ARHGEF7: variants seen among roughly 807,000 people sequenced by gnomAD.
ARHGEF7 encodes Rho guanine nucleotide exchange factor 7.
A neutral mutation model predicts 109.8 loss-of-function variants in ARHGEF7; 33 were observed. That is an observed-to-expected ratio of 0.30 (90% CI 0.23 to 0.40). The LOEUF is 0.40. Among genes scored for constraint, ARHGEF7 ranks in the 10% least tolerant of loss-of-function variants. The probability of loss-of-function intolerance (pLI) is 1.00; values close to 1 mark genes in which losing one functional copy is unlikely to be tolerated. For missense variants in ARHGEF7, 938 were observed against 1,098.5 expected, an observed-to-expected ratio of 0.85 and a Z score of 2.07; for synonymous variants, 458 against 424.6, an observed-to-expected ratio of 1.08 and a Z score of -0.97.
chr13:111,132,336 A>G (rs2074798071), intron 1 of ARHGEF7, among the ~76,000 whole-genome samples: 1 of 152,120 alleles, frequency 6.6e-6, no homozygotes, highest in Non-Finnish European at 1.5e-5. Flanking sequence ...TTATACATGT[A>G]TTGATGTCAG....
In ARHGEF7 at chr13:111,276,063, G is replaced by A. The variant is rs1208833329; in HGVS notation, c.1419+385G>A. The A allele has an allele frequency of 4.2e-5, 9 of 216,168 alleles. No homozygotes were observed. In the East Asian group the frequency reaches 4.7e-4, roughly 11 times the overall value. The allele number at this position is 216,168 out of a possible 1,614,324, so 13.4% of individuals were successfully genotyped here. A position where few individuals can be genotyped will look rare whatever the true frequency, so the allele number is the denominator to read the frequency against. On this transcript the variant is annotated intron_variant, in intron 12 of 21. Transcript: ENST00000646102. ...GGGACCTGCTGCTCTCAATGCTTTCGGGTCATTATACTTTCCTGTGAAAGT... is the reference window on the plus strand; with the variant it reads ...GGGACCTGCTGCTCTCAATGCTTTCAGGTCATTATACTTTCCTGTGAAAGT...
At chr13:111,188,302 C>T (rs1231930873) in intron 2 of ARHGEF7, among the ~76,000 whole-genome samples, 1 of 152,226 alleles carries the variant, frequency 6.6e-6, no homozygotes, top group Non-Finnish European at 1.5e-5. Flanking sequence ...GAGCCACATT[C>T]ACCCAGCTAA....
Position 111,280,252 on chromosome 13 carries a change from T to TG in ARHGEF7, c.1507-11dup, listed in dbSNP as rs753597326. 3,840 of 1,433,404 alleles carry TG rather than the reference T, an allele frequency of 2.7e-3. No individual in the cohort carries two copies. The highest frequency in any genetic ancestry group is 3.1e-3 in the Middle Eastern group (17 of 5,520). 88.8% of individuals were successfully genotyped at this position (1,433,404 alleles called of 1,614,324 possible). On this transcript the variant is annotated intron_variant, in intron 13 of 21. Coordinates refer to ENST00000646102, the MANE Select transcript of ARHGEF7 (RefSeq NM_001354046.2). ...AAAGCACTAATTGTTTTTTTTTTTG[T>TG]GGGGGGGGGTCTTTTTTAGGGAAAG... is the stretch of plus-strand genomic sequence containing the variant.
At chr13:111,137,108 T>C (rs2075122858) in intron 1 of ARHGEF7, among the ~76,000 whole-genome samples, 1 of 152,124 alleles carries the variant, frequency 6.6e-6, no homozygotes, top group Admixed American at 6.5e-5. Context: ...AATTAATAGC[T>C]TACCAACCAA....
chr13:111,284,406 T>TA (rs1360828433), intron 16 of ARHGEF7, among the ~76,000 whole-genome samples: 1 of 152,166 alleles, frequency 6.6e-6, no homozygotes, highest in Non-Finnish European at 1.5e-5. Context: ...ATCTTTCAGG[T>TA]AATCATGTGT....
chr13:111,265,892 G>A (rs1017057799), intron 8 of ARHGEF7, among the ~76,000 whole-genome samples: 7 of 152,164 alleles, frequency 4.6e-5, no homozygotes, highest in Non-Finnish European at 8.8e-5. Context: ...GTGCATTTCT[G>A]TTGTTGGAAA....
At chr13:111,174,307 C>T (rs9522148) in intron 2 of ARHGEF7, among the ~76,000 whole-genome samples, 5,242 of 152,278 alleles carry the variant, frequency 0.034, 135 homozygotes, top group Non-Finnish European at 0.042. Flanking sequence ...GTTAAAATGT[C>T]CAGACGGCAG....
At chr13:111,157,706 G>A (rs1281227686) in intron 2 of ARHGEF7, among the ~76,000 whole-genome samples, 1 of 152,220 alleles carries the variant, frequency 6.6e-6, no homozygotes, top group East Asian at 1.9e-4. Flanking sequence ...GAGAAATTCA[G>A]AGTGATTTCT....
Position 111,279,855 on chromosome 13 carries a change from T to A in ARHGEF7, c.1507-417T>A, listed in dbSNP as rs76775699. Among the ~76,000 whole-genome samples, 29 of 152,366 alleles carry A rather than the reference T, an allele frequency of 1.9e-4. No individual in the cohort carries two copies. The East Asian group carries it at 5.6e-3, about 29-fold the overall frequency. Reference sequence around the variant, plus strand: ...CAATTTCCCACCCTTATTTTGACTTTAAACTTGGAACTTCCTCTGCATTTC... The same window carrying A: ...CAATTTCCCACCCTTATTTTGACTTAAAACTTGGAACTTCCTCTGCATTTC... On this transcript the variant is annotated intron_variant, in intron 13 of 21. Coordinates refer to ENST00000646102, the MANE Select transcript of ARHGEF7 (RefSeq NM_001354046.2).
At chr13:111,128,587 T>A (rs1039322158) in intron 1 of ARHGEF7, among the ~76,000 whole-genome samples, 1 of 152,230 alleles carries the variant, frequency 6.6e-6, no homozygotes, top group Non-Finnish European at 1.5e-5. Flanking sequence ...GTTGTATTTC[T>A]ATATATTAGC....
chr13:111,283,594 AG>A (rs1028168144), intron 16 of ARHGEF7, among the ~76,000 whole-genome samples: 2 of 152,186 alleles, frequency 1.3e-5, no homozygotes, highest in African/African-American at 4.8e-5. Context: ...TGCCATGCAC[AG>A]GGGGGCCTTT....
At chr13:111,229,806 A>G (rs1410991079) in intron 5 of ARHGEF7, among the ~76,000 whole-genome samples, 1 of 152,162 alleles carries the variant, frequency 6.6e-6, no homozygotes, top group African/African-American at 2.4e-5. Flanking sequence ...AGAGGAGAGC[A>G]TAGGTTGGAG....
chr13:111,221,921 G>A (rs56383703), intron 5 of ARHGEF7, among the ~76,000 whole-genome samples: 3,612 of 152,214 alleles, frequency 0.024, 74 homozygotes, highest in Middle Eastern at 0.11. Flanking sequence ...CAAAACTGAA[G>A]AAATTGGAGG....
At chr13:111,241,167 G>A in intron 6 of ARHGEF7, 2 of 1,535,578 alleles carry the variant, frequency 1.3e-6, no homozygotes. Context: ...CAGCTCTGTG[G>A]GCCTTTCTTC....
chr13:111,181,698 T>C (rs2078746936), intron 2 of ARHGEF7, among the ~76,000 whole-genome samples: 1 of 152,132 alleles, frequency 6.6e-6, no homozygotes, highest in Admixed American at 6.5e-5. Context: ...AACAGTGCAC[T>C]GAAGTGGAAG....
chr13:111,122,183 A>C (rs1231918611), intron 1 of ARHGEF7, among the ~76,000 whole-genome samples: 1 of 152,176 alleles, frequency 6.6e-6, no homozygotes, highest in Non-Finnish European at 1.5e-5. Flanking sequence ...GGTCAGCGCC[A>C]GATCTGGGCG....
At position 111,119,524 on chromosome 13, in the gene ARHGEF7, C is replaced by T. The variant is rs117288074; in HGVS notation, c.165+3833C>T. Among the ~76,000 whole-genome samples the T allele has an allele frequency of 3.3e-5, 5 of 152,124 alleles. No homozygotes were observed. In the East Asian group the frequency reaches 5.8e-4, roughly 18 times the overall value. ...CATGAGGCAGAAGGAAGTCAAGAGTCGTAATGTCAGATATGGATGAGAAGG... is the reference window on the plus strand; with the variant it reads ...CATGAGGCAGAAGGAAGTCAAGAGTTGTAATGTCAGATATGGATGAGAAGG... On this transcript the variant is annotated intron_variant, in intron 1 of 21. Coordinates refer to ENST00000646102, the MANE Select transcript of ARHGEF7 (RefSeq NM_001354046.2).
chr13:111,183,344 T>C (rs2078947811), intron 2 of ARHGEF7, among the ~76,000 whole-genome samples: 1 of 123,824 alleles, frequency 8.1e-6, no homozygotes, highest in African/African-American at 3.3e-5. Context: ...TATTGGCACC[T>C]TTTTTTTTTT....
At chr13:111,224,500 A>G (rs1293008160) in intron 5 of ARHGEF7, among the ~76,000 whole-genome samples, 2 of 152,134 alleles carry the variant, frequency 1.3e-5, no homozygotes, top group African/African-American at 4.8e-5. Flanking sequence ...TGGACAGCTT[A>G]TTATCTGTTG....
Sources: allele counts gnomAD v4.1 joint callset (sites outside exome capture counted in the v4.1 genomes callset), GRCh38; gene constraint gnomAD v4.1.1; transcripts MANE v1.5; gene names NCBI Gene and HGNC (gene_info 2026-07-23, HGNC 2026-07-21).